RPL19: variants seen among roughly 807,000 people sequenced by gnomAD.
The protein encoded by RPL19 is large ribosomal subunit protein eL19.
In RPL19, 2 loss-of-function variants were observed where a neutral mutation model predicts 25.1. The observed-to-expected ratio is 0.08, with a 90% CI of 0.03 to 0.25. The LOEUF is 0.25. Ranked by LOEUF, RPL19 falls within the 10% of genes least tolerant of loss-of-function variation. The pLI is 1.00. For missense variants in RPL19, 123 were observed against 271.8 expected, an observed-to-expected ratio of 0.45 and a Z score of 3.85; for synonymous variants, 89 against 91.2, an observed-to-expected ratio of 0.98 and a Z score of 0.14.
intron 5 of RPL19, 92 bp downstream of exon 5, chr17:39,204,279 C>G: frequency 1.1e-6 from 1 of 906,570 alleles, no homozygotes; most frequent in Non-Finnish European, 1.8e-6. Flanking sequence ...TAAGTCTTGA[C>G]TTGCACGTAG....
At position 39,201,304 on chromosome 17, in the gene RPL19, G is replaced by T; in HGVS notation, c.97G>T (p.Ala33Ser). Reference protein sequence around the residue: ...WLDPNETNEIANANSRQQIRK... With the variant: ...WLDPNETNEISNANSRQQIRK... ...AGACCCCAATGAGACCAATGAAATCGCCAATGCCAACTCCCGTGAGTACCT... is the reference window on the plus strand; with the variant it reads ...AGACCCCAATGAGACCAATGAAATCTCCAATGCCAACTCCCGTGAGTACCT... Residue 33 changes from alanine (A) to serine (S), a missense_variant, in exon 2 of 6, where the codon GCC becomes TCC. Coordinates refer to ENST00000225430, the MANE Select transcript of RPL19 (RefSeq NM_000981.4). 2.5e-6 allele frequency: 4 copies of T among 1,606,118 alleles called. No homozygotes were observed. Among genetic ancestry groups the T allele is most frequent in the Non-Finnish European group, 3.4e-6 (4 of 1,173,122 alleles).
Position 39,200,287 on chromosome 17 carries a change from A to T in RPL19, c.-58A>T, listed in dbSNP as rs1172602908. 2.7e-6 allele frequency: 4 copies of T among 1,486,886 alleles called. No individual in the cohort carries two copies. In the East Asian group the frequency reaches 1.0e-4, roughly 37 times the overall value. 92.1% of individuals were successfully genotyped at this position (1,486,886 alleles called of 1,614,324 possible). ...AGGGTTTGGGCTCTCCCCTTCGCAG[A>T]TAATGGGAGGAGCCGGGCCCGAGCG... On this transcript the variant is annotated 5_prime_UTR_variant, in exon 1 of 6. Transcript: ENST00000225430.
intron 1 of RPL19, 158 bp from the exon 2 acceptor site, chr17:39,201,055 A>AG: frequency 3.4e-6 from 2 of 594,956 alleles, no homozygotes; most frequent in Non-Finnish European, 3.0e-6. Flanking sequence ...CTTAAACCCA[A>AG]GGGGGCCAGC....
chr17:39,204,251 T>G (rs1225303054), intron 5 of RPL19, 64 bp downstream of exon 5: 3 of 1,089,622 alleles, frequency 2.8e-6, no homozygotes, highest in Non-Finnish European at 2.8e-6. Flanking sequence ...TCTTAGATAC[T>G]TAAAATGTGC....
Position 39,204,145 on chromosome 17 carries a change from T to A in RPL19, c.425T>A (p.Ile142Asn). 6.2e-7 allele frequency: 1 copy of A among 1,613,502 alleles called. No individual in the cohort carries two copies. The highest frequency in any genetic ancestry group is 8.5e-7 in the Non-Finnish European group (1 of 1,179,550). ...FKNKRILMEH[I>N]HKLKADKARK... ...AACAAGCGGATTCTCATGGAACACA[T>A]CCACAAGCTGAAGGCAGACAAGGCC... The change falls in exon 5 of 6, where the codon ATC becomes AAC. Residue 142 changes from isoleucine to asparagine, a missense_variant. Transcript: ENST00000225430.
chr17:39,203,174 AT>A (rs59332263), intron 4 of RPL19, 65 bp downstream of exon 4: 119,258 of 583,954 alleles, frequency 0.2, 634 homozygotes, highest in African/African-American at 0.28. Context: ...TTTCCCAGAG[AT>A]TTTTTTTTTT....
At chr17:39,200,591 C>A in intron 1 of RPL19, 6 of 1,256,440 alleles carry the variant, frequency 4.8e-6, no homozygotes, top group Non-Finnish European at 6.0e-6. Flanking sequence ...GCACACGTGT[C>A]CGGTCGACCC....
At chr17:39,204,448 G>C (rs985642129) in intron 5 of RPL19, 77 bp from the exon 6 acceptor site, 1 of 1,556,032 alleles carries the variant, frequency 6.4e-7, no homozygotes, top group South Asian at 1.1e-5. Context: ...CAAAGGGAGA[G>C]GTCTGGGGAT....
chr17:39,204,498 G>A (rs1278101430), intron 5 of RPL19, 27 bp from the exon 6 acceptor site: 4 of 1,613,296 alleles, frequency 2.5e-6, no homozygotes, highest in Non-Finnish European at 3.4e-6. Context: ...TTCCCAAACT[G>A]ACCCGTCTTT....
Position 39,204,063 on chromosome 17 carries a change from C to G in RPL19, c.357-14C>G, listed in dbSNP as rs767209600. ...ATCACCAACCAGCATCTCTTCACTC[C>G]GTGTACCCTGCAGGTATCACAGCCT... On this transcript the variant is annotated splice_polypyrimidine_tract_variant and intron_variant, in intron 4 of 5. Transcript: ENST00000225430. 2 of 1,484,192 alleles carry G rather than the reference C, an allele frequency of 1.3e-6. No homozygotes were observed. Among genetic ancestry groups the G allele is most frequent in the Non-Finnish European group, 1.9e-6 (2 of 1,062,004 alleles). The allele number at this position is 1,484,192 out of a possible 1,614,324, so 91.9% of individuals were successfully genotyped here.
At chr17:39,202,710 A>G (rs1260531059) in intron 3 of RPL19, 6 of 594,050 alleles carry the variant, frequency 1.0e-5, no homozygotes, top group Non-Finnish European at 1.5e-5. Context: ...GAAGCTCCTT[A>G]CAACGTGCTG....
Position 39,203,085 on chromosome 17 carries a change from A to C in RPL19, c.332A>C (p.Glu111Ala). ...ILRRLLRRYRESKKIDRHMYH... is the reference protein window; with the variant it reads ...ILRRLLRRYRASKKIDRHMYH... ...CGCCGGCTGCTCAGAAGATACCGTGAATCTAAGAAGATCGATCGCCACATG... is the reference window on the plus strand; with the variant it reads ...CGCCGGCTGCTCAGAAGATACCGTGCATCTAAGAAGATCGATCGCCACATG... Residue 111 changes from glutamate to alanine, a missense_variant, in exon 4 of 6, where the codon GAA becomes GCA. By Grantham distance (107) the Glu-to-Ala change is moderately radical. Transcript: ENST00000225430. 1 of 1,613,646 alleles carries C rather than the reference A, an allele frequency of 6.2e-7. No homozygotes were observed. The highest frequency in any genetic ancestry group is 8.5e-7 in the Non-Finnish European group (1 of 1,179,932).
intron 1 of RPL19, 90 bp downstream of exon 1, chr17:39,200,439 A>G: frequency 7.3e-7 from 1 of 1,362,288 alleles, no homozygotes; most frequent in South Asian, 1.6e-5. Flanking sequence ...GGGGAGATGA[A>G]ATGGAGGCCG....
In RPL19 at chr17:39,204,203, G is replaced by A; in HGVS notation, c.467+16G>A. ...AGCTCCTGGCGTAAGTTTCTTTTCA[G>A]AGTCTTAGGGGAACATTCTTAGACC... is the stretch of plus-strand genomic sequence containing the variant. On this transcript the variant is annotated intron_variant, in intron 5 of 5. Coordinates refer to ENST00000225430, the MANE Select transcript of RPL19 (RefSeq NM_000981.4). The A allele has an allele frequency of 1.4e-6, 2 of 1,438,852 alleles. No homozygotes were observed. The highest frequency in any genetic ancestry group is 2.3e-5 in the East Asian group (1 of 44,114). 89.1% of individuals were successfully genotyped at this position (1,438,852 alleles called of 1,614,324 possible).
At chr17:39,201,366 C>T (rs2046287222) in intron 2 of RPL19, 47 bp downstream of exon 2, 1 of 1,122,648 alleles carries the variant, frequency 8.9e-7, no homozygotes, top group South Asian at 1.3e-5. Context: ...TTCTTTTCTC[C>T]TGCGTCAGAT....
chr17:39,202,816 G>A (rs371275045), intron 3 of RPL19, 173 bp from the exon 4 acceptor site: 1 of 708,020 alleles, frequency 1.4e-6, no homozygotes, highest in Non-Finnish European at 2.3e-6. Flanking sequence ...TTGAGTAAAC[G>A]AAAGAACTTA....
chr17:39,201,719 G>A lies in RPL19; in HGVS notation c.112+400G>A, dbSNP rs972022410. On this transcript the variant is annotated intron_variant, in intron 2 of 5. Transcript: ENST00000225430. ...TCCCAAGTAGCTGGGACTAAGGCAC[G>A]TGCCACCACACCCAGCTAATTTTTG... Among the ~76,000 whole-genome samples the A allele has an allele frequency of 4.6e-5, 7 of 152,018 alleles. No homozygotes were observed. The South Asian group carries it at 6.2e-4, about 14-fold the overall frequency.
chr17:39,200,341 A>C lies in RPL19; in HGVS notation c.-4A>C, dbSNP rs1257556946. Reference sequence around the variant, plus strand: ...TCTTTCCTTTCGCTGCTGCGGCCGCAGCCATGAGGTGAGGGCGAGCTGGTC... The same window carrying C: ...TCTTTCCTTTCGCTGCTGCGGCCGCCGCCATGAGGTGAGGGCGAGCTGGTC... On this transcript the variant is annotated 5_prime_UTR_variant, in exon 1 of 6. Transcript: ENST00000225430. 10 of 1,561,986 alleles carry C rather than the reference A, an allele frequency of 6.4e-6. No homozygotes were observed. Among genetic ancestry groups the C allele is most frequent in the Admixed American group, 2.0e-5 (1 of 50,490 alleles).
At position 39,200,318 on chromosome 17, in the gene RPL19, T is replaced by C. The variant is rs1162468929; in HGVS notation, c.-27T>C. The C allele has an allele frequency of 6.5e-6, 10 of 1,549,656 alleles. No individual in the cohort carries two copies. Among genetic ancestry groups the C allele is most frequent in the East Asian group, 4.8e-5 (2 of 41,748 alleles). On this transcript the variant is annotated 5_prime_UTR_variant, in exon 1 of 6. Transcript: ENST00000225430. The stretch of plus-strand genomic sequence containing the variant: ...GGAGGAGCCGGGCCCGAGCGAGCTC[T>C]TTCCTTTCGCTGCTGCGGCCGCAGC...
Sources: gnomAD v4.1 joint callset for allele counts (sites outside exome capture counted in the v4.1 genomes callset) on GRCh38, gnomAD v4.1.1 for gene constraint, MANE v1.5 for transcripts, NCBI Gene and HGNC (gene_info 2026-07-23, HGNC 2026-07-21) for gene names.